Variants in IL1RAPL1 observed in about 807,000 individuals in gnomAD.
IL1RAPL1 encodes the protein interleukin 1 receptor accessory protein like 1, also known as interleukin-1 receptor accessory protein-like 1.
In IL1RAPL1, 3 loss-of-function variants were observed where a neutral mutation model predicts 48.4. The ratio of observed to expected loss-of-function variants is 0.06; its 90% CI spans 0.03 to 0.16. IL1RAPL1 has a LOEUF of 0.16. Among genes scored for constraint, IL1RAPL1 ranks in the 10% least tolerant of loss-of-function variants. The probability of loss-of-function intolerance (pLI) is 1.00; values close to 1 mark genes in which losing one functional copy is unlikely to be tolerated. For synonymous variants in IL1RAPL1, 185 were observed against 187.7 expected (o/e 0.99, Z 0.12); for missense variants, 349 against 530.6 (o/e 0.66, Z 3.36).
intron 1 of IL1RAPL1, among the ~76,000 whole-genome samples, chrX:28,669,132 A>C (rs989260288): frequency 3.6e-5 from 4 of 111,174 alleles, no homozygotes; most frequent in Admixed American, 1.9e-4. Context: ...GTTTTAGATA[A>C]ATATAGATAT....
In IL1RAPL1 at chrX:29,195,203, G is replaced by A. The variant is rs747940847; in HGVS notation, c.83-87735G>A. ...TGTACATGGTTTCTAGGTGCTGGGG[G>A]TGAGAAGAGATATAGTGAAGAATGA... On this transcript the variant is annotated intron_variant, in intron 2 of 10. Coordinates refer to ENST00000378993, the MANE Select transcript of IL1RAPL1 (RefSeq NM_014271.4). Among the ~76,000 whole-genome samples, 7 of 112,061 alleles carry A rather than the reference G, an allele frequency of 6.2e-5. No homozygotes were observed. In the South Asian group the frequency reaches 2.6e-3, roughly 42 times the overall value.
intron 2 of IL1RAPL1, among the ~76,000 whole-genome samples, chrX:28,873,492 T>C (rs1346827750): frequency 1.9e-5 from 2 of 105,229 alleles, no homozygotes; most frequent in Non-Finnish European, 3.9e-5. Context: ...TAGCAGCACA[T>C]CTTTGTTCTC....
intron 3 of IL1RAPL1, among the ~76,000 whole-genome samples, chrX:29,327,186 G>A (rs923205842): frequency 6.3e-5 from 7 of 110,852 alleles, no homozygotes; most frequent in South Asian, 7.7e-4. Flanking sequence ...TTAATATGCA[G>A]CCAGAGTTGA....
At chrX:29,852,124 T>C (rs1369928357) in intron 6 of IL1RAPL1, among the ~76,000 whole-genome samples, 1 of 112,802 alleles carries the variant, frequency 8.9e-6, no homozygotes, top group African/African-American at 3.2e-5. Context: ...GAGACCAAGC[T>C]GTGCAGAAGT....
At chrX:29,658,813 T>A (rs1031189289) in intron 5 of IL1RAPL1, among the ~76,000 whole-genome samples, 3 of 112,132 alleles carry the variant, frequency 2.7e-5, no homozygotes, top group African/African-American at 9.7e-5. Context: ...CAATTCTTTA[T>A]GTTGGTGGGA....
intron 2 of IL1RAPL1, among the ~76,000 whole-genome samples, chrX:29,268,393 T>C (rs907816228): frequency 8.9e-6 from 1 of 112,079 alleles, no homozygotes; most frequent in African/African-American, 3.2e-5. Context: ...AATTTCAGAG[T>C]AAATGCTTAT....
At chrX:28,668,512 C>G (rs1934908308) in intron 1 of IL1RAPL1, among the ~76,000 whole-genome samples, 1 of 113,497 alleles carries the variant, frequency 8.8e-6, no homozygotes, top group Non-Finnish European at 1.9e-5. Context: ...CCCACCTCGG[C>G]CTCCCGAAGT....
chrX:29,918,147 ATATATATATATAT>A (rs1932816462), intron 7 of IL1RAPL1, among the ~76,000 whole-genome samples: 3 of 44,220 alleles, frequency 6.8e-5, no homozygotes, highest in African/African-American at 2.9e-4. Context: ...AAAAAAAAAT[ATATATATATATAT>A]ATATATATAT....
At chrX:29,356,516 T>C (rs1474296790) in intron 3 of IL1RAPL1, among the ~76,000 whole-genome samples, 1 of 77,931 alleles carries the variant, frequency 1.3e-5, no homozygotes, top group Non-Finnish European at 2.6e-5. Flanking sequence ...TACACACACA[T>C]ATGTATATTT....
At chrX:28,872,859 G>A (rs1378342422) in intron 2 of IL1RAPL1, among the ~76,000 whole-genome samples, 1 of 111,752 alleles carries the variant, frequency 8.9e-6, no homozygotes, top group East Asian at 2.8e-4. Flanking sequence ...CTGTACAGTG[G>A]AACTATAGTA....
chrX:28,764,396 G>A (rs1176414261), intron 1 of IL1RAPL1, among the ~76,000 whole-genome samples: 1 of 111,564 alleles, frequency 9.0e-6, no homozygotes, highest in African/African-American at 3.3e-5. Flanking sequence ...ATGATGCTAT[G>A]CTAGAATTAT....
At chrX:28,901,682 A>G (rs773293068) in intron 2 of IL1RAPL1, among the ~76,000 whole-genome samples, 1 of 112,196 alleles carries the variant, frequency 8.9e-6, no homozygotes, top group Non-Finnish European at 1.9e-5. Flanking sequence ...TTGTATCACT[A>G]CATTCATGAA....
At chrX:29,214,543 A>G (rs1042312122) in intron 2 of IL1RAPL1, among the ~76,000 whole-genome samples, 1 of 111,838 alleles carries the variant, frequency 8.9e-6, no homozygotes, top group Admixed American at 9.5e-5. Flanking sequence ...TAATAAAAGA[A>G]TTAAAATTGG....
intron 9 of IL1RAPL1, among the ~76,000 whole-genome samples, chrX:29,946,650 G>A (rs1383562893): frequency 8.9e-6 from 1 of 112,264 alleles, no homozygotes; most frequent in Non-Finnish European, 1.9e-5. Context: ...GTGTGTTTGT[G>A]TGCATGTATG....
intron 6 of IL1RAPL1, among the ~76,000 whole-genome samples, chrX:29,904,033 G>A (rs1294209681): frequency 2.7e-5 from 3 of 112,204 alleles, no homozygotes; most frequent in Non-Finnish European, 5.6e-5. Context: ...AAAATTGAGA[G>A]ACAAATTAAA....
chrX:29,513,175 AAC>A (rs60918202), intron 5 of IL1RAPL1, among the ~76,000 whole-genome samples: 8,067 of 84,039 alleles, frequency 0.096, 501 homozygotes, highest in African/African-American at 0.27. Context: ...AAATTTCAAA[AAC>A]ACAGAGAGGT....
In IL1RAPL1 at chrX:29,262,348, T is replaced by A. The variant is rs1297192747; in HGVS notation, c.83-20590T>A. Among the ~76,000 whole-genome samples the A allele has an allele frequency of 4.5e-5, 5 of 111,756 alleles. No individual in the cohort carries two copies. The East Asian group carries it at 1.4e-3, about 32-fold the overall frequency. ...ATGCCATTTTTATCCCAATCTTTATTGCTTTGAGTATCATCCTTTAAGTTA... is the reference window on the plus strand; with the variant it reads ...ATGCCATTTTTATCCCAATCTTTATAGCTTTGAGTATCATCCTTTAAGTTA... On this transcript the variant is annotated intron_variant, in intron 2 of 10. Coordinates refer to ENST00000378993, the MANE Select transcript of IL1RAPL1 (RefSeq NM_014271.4).
At chrX:29,252,369 A>T (rs979912474) in intron 2 of IL1RAPL1, among the ~76,000 whole-genome samples, 2 of 114,003 alleles carry the variant, frequency 1.8e-5, no homozygotes, top group Non-Finnish European at 3.7e-5. Flanking sequence ...GTAGTTGATC[A>T]CTAGATTTCT....
At chrX:28,626,626 C>T (rs1934343874) in intron 1 of IL1RAPL1, among the ~76,000 whole-genome samples, 1 of 112,397 alleles carries the variant, frequency 8.9e-6, no homozygotes, top group Non-Finnish European at 1.9e-5. Flanking sequence ...TTGTCTCCTC[C>T]TCTGGTGTCA....
Sources: allele counts gnomAD v4.1 joint callset (sites outside exome capture counted in the v4.1 genomes callset), GRCh38; gene constraint gnomAD v4.1.1; transcripts MANE v1.5; gene names NCBI Gene and HGNC (gene_info 2026-07-23, HGNC 2026-07-21).